CIC: variants seen among roughly 807,000 people sequenced by gnomAD.
CIC encodes the protein protein capicua homolog.
In CIC, 18 loss-of-function variants were observed where a neutral mutation model predicts 115.7. That is an observed-to-expected ratio of 0.16 (90% CI 0.11 to 0.23). The LOEUF is 0.23. Ranked by LOEUF, CIC falls within the 10% of genes least tolerant of loss-of-function variation. The pLI, the probability that CIC is intolerant of heterozygous loss-of-function variation, is 1.00. For synonymous variants in CIC, 1,076 were observed against 923.0 expected (o/e 1.17, Z -3.01); for missense variants, 2,000 against 2,159.3 (o/e 0.93, Z 1.46).
In CIC at chr19:42,289,390, G is replaced by A. The variant is rs1443426296; in HGVS notation, c.4071G>A (p.Gly1357=). ...EERMVICEEE[G]DDDVIADDGF... is the part of the protein sequence containing the mutation. ...GCATGGTCATCTGTGAGGAGGAAGG[G>A]GATGATGATGTCATTGGTGAGCATT... The change falls in exon 9 of 21, where the codon GGG becomes GGA. Residue 1357 remains glycine, a synonymous_variant. Coordinates refer to ENST00000681038, the MANE Select transcript of CIC (RefSeq NM_001386298.1). The A allele has an allele frequency of 7.5e-6, 12 of 1,590,958 alleles. No individual in the cohort carries two copies. The highest frequency in any genetic ancestry group is 2.7e-5 in the African/African-American group (2 of 74,252).
intron 1 of CIC, 50 bp from the exon 2 acceptor site, chr19:42,271,724 G>T: frequency 2.5e-6 from 1 of 398,482 alleles, no homozygotes; most frequent in South Asian, 1.3e-4. Context: ...ACTGGCTCTG[G>T]AGAGGTTCCT....
rs1197985730 is a variant in CIC at position 42,287,640 on chromosome 19, C to T, written c.3405C>T (p.Asp1135=). 1 of 1,613,944 alleles carries T rather than the reference C, an allele frequency of 6.2e-7. No individual in the cohort carries two copies. The highest frequency in any genetic ancestry group is 8.5e-7 in the Non-Finnish European group (1 of 1,180,050). ...ALVHQRHPNQ[D]NRTVSKILGE... Reference sequence around the variant, plus strand: ...TCCACCAGCGTCATCCCAACCAGGACAACCGGACCGTCAGCAAGATCCTGG... The same window carrying T: ...TCCACCAGCGTCATCCCAACCAGGATAACCGGACCGTCAGCAAGATCCTGG... Residue 1135 remains aspartate (D), a synonymous_variant, in exon 6 of 21, where the codon GAC becomes GAT. Transcript: ENST00000681038. The surrounding 1 kb of genome is among the most constrained non-coding windows in gnomAD (Gnocchi z 8.7).
chr19:42,282,696 A>G (rs1409471381), intron 2 of CIC, among the ~76,000 whole-genome samples: 1 of 152,232 alleles, frequency 6.6e-6, no homozygotes, highest in East Asian at 1.9e-4. Flanking sequence ...TCTTGACTGC[A>G]TGATCTTGCC....
At chr19:42,276,126 G>T (rs1347202821) in intron 2 of CIC, among the ~76,000 whole-genome samples, 3 of 152,194 alleles carry the variant, frequency 2.0e-5, no homozygotes, top group African/African-American at 7.2e-5. Context: ...AGCCCGGCAG[G>T]GTAGGCAGGA....
At chr19:42,276,133 A>G (rs2036967894) in intron 2 of CIC, among the ~76,000 whole-genome samples, 1 of 152,240 alleles carries the variant, frequency 6.6e-6, no homozygotes, top group Admixed American at 6.5e-5. Flanking sequence ...CAGGGTAGGC[A>G]GGAAGGATCT....
Position 42,293,651 on chromosome 19 carries a change from T to C in CIC, c.6582T>C (p.Asn2194=). The change falls in exon 17 of 21, where the codon AAT becomes AAC. Residue 2194 remains asparagine (N), a synonymous_variant. Transcript: ENST00000681038. The stretch of plus-strand genomic sequence containing the variant: ...GCGTCCCTGGGCAGGGCCTGGAGAA[T>C]CGTGGGGAGCCTCCCACTCCTCCCA... ...DWRVPGQGLE[N]RGEPPTPPSP... The C allele has an allele frequency of 6.2e-7, 1 of 1,613,124 alleles. No homozygotes were observed. The highest frequency in any genetic ancestry group is 8.5e-7 in the Non-Finnish European group (1 of 1,179,888).
At chr19:42,284,763 G>C in intron 2 of CIC, 3 of 1,555,926 alleles carry the variant, frequency 1.9e-6, no homozygotes, top group Non-Finnish European at 2.6e-6. Context: ...CGTGGCCTCG[G>C]CATGTTCGGT....
Position 42,290,354 on chromosome 19 carries a change from G to T in CIC, c.4313G>T (p.Gly1438Val). The change falls in exon 11 of 21, where the codon GGT (glycine) becomes GTT (valine). Residue 1438 changes from glycine to valine, a missense_variant. Physicochemically the swap from Gly to Val is moderately radical, Grantham distance 109. Coordinates refer to ENST00000681038, the MANE Select transcript of CIC (RefSeq NM_001386298.1). ...CCTGTAGCCTTTGGCAAAGGCTATGGTTCCGCCCCATCCTCCTCTGCGTCC... is the reference window on the plus strand; with the variant it reads ...CCTGTAGCCTTTGGCAAAGGCTATGTTTCCGCCCCATCCTCCTCTGCGTCC... ...DPPVAFGKGY[G>V]SAPSSSASSP... 1.2e-6 allele frequency: 2 copies of T among 1,614,096 alleles called. No individual in the cohort carries two copies. Among genetic ancestry groups the T allele is most frequent in the Non-Finnish European group, 1.7e-6 (2 of 1,179,996 alleles).
chr19:42,270,212 G>C lies in CIC; in HGVS notation c.-11+831G>C, dbSNP rs1395797099. ...GGTGGTGATGGCTGCCCAACTTCTG[G>C]GCATTTGGGTGCCAGCCCCGGGACG... On this transcript the variant is annotated intron_variant, in intron 1 of 20. Coordinates refer to ENST00000681038, the MANE Select transcript of CIC (RefSeq NM_001386298.1). This position sits in a 1 kb window ranked among gnomAD's most constrained non-coding sequence, Gnocchi z 4.1. Among the ~76,000 whole-genome samples, 2 of 152,168 alleles carry C rather than the reference G, an allele frequency of 1.3e-5. No individual in the cohort carries two copies. The highest frequency in any genetic ancestry group is 4.8e-5 in the African/African-American group (2 of 41,416).
intron 2 of CIC, chr19:42,284,760 T>C: frequency 6.4e-7 from 1 of 1,555,774 alleles, no homozygotes; most frequent in Non-Finnish European, 8.7e-7. Context: ...TCCCGTGGCC[T>C]CGGCATGTTC....
chr19:42,292,275 C>T (rs1185413754), intron 13 of CIC, 25 bp from the exon 14 acceptor site: 2 of 1,613,526 alleles, frequency 1.2e-6, no homozygotes, highest in South Asian at 1.1e-5. Flanking sequence ...TACCTCACTC[C>T]TCCCCATTTC....
At position 42,295,399 on chromosome 19, in the gene CIC, T is replaced by C; in HGVS notation, c.*208T>C. Reference sequence around the variant, plus strand: ...CAGCTGAGGGGCTGCAGGGGCAGTCTCCCTCCTCCAAGCCCCTGTACATAA... The same window carrying C: ...CAGCTGAGGGGCTGCAGGGGCAGTCCCCCTCCTCCAAGCCCCTGTACATAA... On this transcript the variant is annotated 3_prime_UTR_variant, in exon 21 of 21. Transcript: ENST00000681038. 1 of 578,614 alleles carries C rather than the reference T, an allele frequency of 1.7e-6. No homozygotes were observed. Among genetic ancestry groups the C allele is most frequent in the Non-Finnish European group, 3.1e-6 (1 of 326,104 alleles). 35.8% of individuals were successfully genotyped at this position (578,614 alleles called of 1,614,324 possible).
At chr19:42,284,771 G>A (rs1378778076) in intron 2 of CIC, 2 of 1,553,290 alleles carry the variant, frequency 1.3e-6, no homozygotes, top group African/African-American at 1.4e-5. Flanking sequence ...CGGCATGTTC[G>A]GTCAGTAGCG....
intron 7 of CIC, 145 bp downstream of exon 7, chr19:42,288,120 G>A (rs1269783004): frequency 2.3e-6 from 2 of 888,352 alleles, no homozygotes; most frequent in Admixed American, 2.2e-5. Context: ...AAAGGAACCG[G>A]CAGTTGATTC....
rs757924349 is a variant in CIC, at chr19:42,290,239, G to C, written c.4198G>C (p.Gly1400Arg). ...GEDPEGNKGF[G>R]RKVFSPVIRS... ...CTCCCTTCCTTTCATGCAGGGCTTTGGTCGGAAGGTGTTTTCACCTGTGAT... is the reference window on the plus strand; with the variant it reads ...CTCCCTTCCTTTCATGCAGGGCTTTCGTCGGAAGGTGTTTTCACCTGTGAT... The change falls in exon 11 of 21, where the codon GGT (glycine) becomes CGT (arginine). Residue 1400 changes from glycine to arginine, a missense_variant. Around this residue, in one of 8 missense-constraint regions of CIC, gnomAD observed 1,466 missense variants for 1,390.4 expected, o/e 1.05. Coordinates refer to ENST00000681038, the MANE Select transcript of CIC (RefSeq NM_001386298.1). 1 of 1,614,070 alleles carries C rather than the reference G, an allele frequency of 6.2e-7. No individual in the cohort carries two copies. Among genetic ancestry groups the C allele is most frequent in the Non-Finnish European group, 8.5e-7 (1 of 1,179,980 alleles).
chr19:42,290,451 G>A lies in CIC; in HGVS notation c.4410G>A (p.Glu1470=). Residue 1470 remains glutamate, a synonymous_variant, in exon 11 of 21, where the codon GAG becomes GAA. Coordinates refer to ENST00000681038, the MANE Select transcript of CIC (RefSeq NM_001386298.1). ...GCTCAGGAACCTTCAAGGCCCAGGA[G>A]TCTGGTCAGGGCAGCACAGCGGGCC... ...SLGSGTFKAQ[E]SGQGSTAGPL... 1 of 1,614,044 alleles carries A rather than the reference G, an allele frequency of 6.2e-7. No homozygotes were observed. The highest frequency in any genetic ancestry group is 8.5e-7 in the Non-Finnish European group (1 of 1,179,974).
rs2147205443 is a variant in CIC, at chr19:42,287,819, G to A, written c.3502G>A (p.Ala1168Thr). The A allele has an allele frequency of 6.2e-7, 1 of 1,613,934 alleles. No individual in the cohort carries two copies. Among genetic ancestry groups the A allele is most frequent in the South Asian group, 1.1e-5 (1 of 91,070 alleles). ...YHDLAFQVKE[A>T]HFKAHPDWKW... ...TGCCCTCTCCTGCCAGGTGAAGGAG[G>A]CCCACTTCAAGGCCCACCCAGATTG... The change falls in exon 7 of 21, where the codon GCC (alanine) becomes ACC (threonine). Residue 1168 changes from alanine (A) to threonine (T), a missense_variant. Transcript: ENST00000681038. This position sits in a 1 kb window ranked among gnomAD's most constrained non-coding sequence, Gnocchi z 8.7.
rs2037742010 is a variant in CIC at position 42,287,472 on chromosome 19, G to C, written c.3309+23G>C. The C allele has an allele frequency of 6.2e-7, 1 of 1,612,466 alleles. No individual in the cohort carries two copies. Among genetic ancestry groups the C allele is most frequent in the African/African-American group, 1.3e-5 (1 of 75,056 alleles). On this transcript the variant is annotated intron_variant, in intron 5 of 20. Coordinates refer to ENST00000681038, the MANE Select transcript of CIC (RefSeq NM_001386298.1). The surrounding 1 kb of genome is among the most constrained non-coding windows in gnomAD (Gnocchi z 8.7). The stretch of plus-strand genomic sequence containing the variant: ...AAGGTACTTTATCCCTGCCTGTCCT[G>C]TGCTCACCCCGTGGCCACCCACACC...
intron 2 of CIC, among the ~76,000 whole-genome samples, chr19:42,282,906 T>G (rs919149055): frequency 2.8e-4 from 43 of 152,076 alleles, no homozygotes; most frequent in African/African-American, 1.0e-3. Flanking sequence ...AGTGGGTGGC[T>G]GGCAGAGCAG....
Sources: allele counts gnomAD v4.1 joint callset (sites outside exome capture counted in the v4.1 genomes callset), GRCh38; gene constraint gnomAD v4.1.1; regional missense constraint gnomAD v4.1.1; non-coding constraint Gnocchi (gnomAD v3.1); transcripts MANE v1.5; gene names NCBI Gene and HGNC (gene_info 2026-07-23, HGNC 2026-07-21).